ASAP1: variants seen among roughly 807,000 people sequenced by gnomAD.
ASAP1 encodes arf-GAP with SH3 domain, ANK repeat and PH domain-containing protein 1.
In ASAP1, 43 loss-of-function variants were observed where a neutral mutation model predicts 145.2. The ratio of observed to expected loss-of-function variants is 0.30; its 90% CI spans 0.23 to 0.38. ASAP1 has a LOEUF of 0.38. ASAP1 is among the 10% of genes least tolerant of loss of function. The pLI, the probability that ASAP1 is intolerant of heterozygous loss-of-function variation, is 1.00. For missense variants in ASAP1, 1,018 were observed against 1,355.3 expected (o/e 0.75, Z 3.91); for synonymous variants, 546 against 515.5 (o/e 1.06, Z -0.80).
intron 24 of ASAP1, among the ~76,000 whole-genome samples, chr8:130,106,554 A>G (rs1428978734): frequency 6.6e-6 from 1 of 152,246 alleles, no homozygotes; most frequent in East Asian, 1.9e-4. Flanking sequence ...TCAGCAAGTC[A>G]ACTATCACAC....
At position 130,136,539 on chromosome 8, in the gene ASAP1, C is replaced by A. The variant is rs193007225; in HGVS notation, c.1168+412G>T. 2.8e-3 allele frequency among the ~76,000 whole-genome samples: 415 copies of A among 149,698 alleles called. 1 individual carries two copies. The highest frequency in any genetic ancestry group is 4.2e-3 in the Non-Finnish European group (286 of 67,768). On this transcript the variant is annotated intron_variant, in intron 14 of 29. Coordinates refer to ENST00000518721, the MANE Select transcript of ASAP1 (RefSeq NM_018482.4). ...CATCCGTGCTTCTTAACCACAGGTG[C>A]ACATTACAATCACCTAGTGGCTTTT...
At chr8:130,245,567 G>A (rs1818797662) in intron 3 of ASAP1, among the ~76,000 whole-genome samples, 1 of 152,128 alleles carries the variant, frequency 6.6e-6, no homozygotes, top group Non-Finnish European at 1.5e-5. Flanking sequence ...ACACCACCAA[G>A]CTATCAACTT....
At chr8:130,336,482 A>C (rs1418813187) in intron 3 of ASAP1, among the ~76,000 whole-genome samples, 2 of 152,360 alleles carry the variant, frequency 1.3e-5, no homozygotes, top group East Asian at 3.9e-4. Flanking sequence ...ATTCAAAGCA[A>C]GCTGGATAAA....
chr8:130,251,021 T>A (rs1819164276), intron 3 of ASAP1, among the ~76,000 whole-genome samples: 1 of 152,166 alleles, frequency 6.6e-6, no homozygotes, highest in Non-Finnish European at 1.5e-5. Context: ...AAAGATAAAG[T>A]AAATAATTAA....
chr8:130,416,712 T>A (rs916069532), intron 1 of ASAP1, among the ~76,000 whole-genome samples: 2 of 152,204 alleles, frequency 1.3e-5, no homozygotes, highest in African/African-American at 4.8e-5. Flanking sequence ...GGCAGGAGAT[T>A]TGGCTCAGCT....
intron 4 of ASAP1, among the ~76,000 whole-genome samples, chr8:130,234,827 C>T (rs1392175419): frequency 6.6e-6 from 1 of 152,162 alleles, no homozygotes; most frequent in East Asian, 1.9e-4. Flanking sequence ...GACCATTCTT[C>T]CTGAGACAAA....
chr8:130,079,769 T>C, intron 26 of ASAP1, 133 bp downstream of exon 26: 1 of 838,960 alleles, frequency 1.2e-6, no homozygotes, highest in Non-Finnish European at 2.0e-6. Context: ...GTCTGGTTTC[T>C]TGTTGTGGCC....
chr8:130,204,266 C>G (rs545197875), intron 5 of ASAP1, among the ~76,000 whole-genome samples: 2 of 152,154 alleles, frequency 1.3e-5, no homozygotes, highest in African/African-American at 2.4e-5. Flanking sequence ...CTCAAATCAT[C>G]CCGAAACCAT....
intron 4 of ASAP1, among the ~76,000 whole-genome samples, chr8:130,226,543 A>C (rs1430294804): frequency 6.6e-6 from 1 of 152,136 alleles, no homozygotes; most frequent in Non-Finnish European, 1.5e-5. Context: ...TCATTTCTAT[A>C]ATTTCTCAAG....
intron 3 of ASAP1, among the ~76,000 whole-genome samples, chr8:130,339,494 G>C (rs1238732178): frequency 1.3e-5 from 2 of 152,140 alleles, no homozygotes; most frequent in Non-Finnish European, 2.9e-5. Flanking sequence ...TCAGCAAAAA[G>C]AAGGAGCTAT....
At chr8:130,393,083 G>A (rs1011935391) in intron 2 of ASAP1, among the ~76,000 whole-genome samples, 1 of 152,118 alleles carries the variant, frequency 6.6e-6, no homozygotes, top group African/African-American at 2.4e-5. Flanking sequence ...TTTAATGGCT[G>A]CATTATTTTA....
chr8:130,150,289 C>A (rs2097642955), intron 13 of ASAP1, among the ~76,000 whole-genome samples: 1 of 152,092 alleles, frequency 6.6e-6, no homozygotes, highest in Non-Finnish European at 1.5e-5. Flanking sequence ...GTTGTTTTGG[C>A]CACAACAATG....
At chr8:130,392,341 G>A (rs1324236867) in intron 2 of ASAP1, among the ~76,000 whole-genome samples, 1 of 152,198 alleles carries the variant, frequency 6.6e-6, no homozygotes, top group Non-Finnish European at 1.5e-5. Context: ...AAGTCCCTTT[G>A]AATAAGACAT....
intron 13 of ASAP1, among the ~76,000 whole-genome samples, chr8:130,149,222 C>T (rs998759538): frequency 6.8e-6 from 1 of 147,530 alleles, no homozygotes; most frequent in Non-Finnish European, 1.5e-5. Context: ...GCATCTTATA[C>T]TGTGTTTAGA....
In ASAP1 at chr8:130,118,500, C is replaced by CCAG; in HGVS notation, c.1780_1782dup (p.Leu594dup). 1 of 1,608,574 alleles carries CCAG rather than the reference C, an allele frequency of 6.2e-7. No homozygotes were observed. ...TAGTGAGGCCTTACCTGCCCAGGTT[C>CCAG]CAGCAGTGGTTCCATTAGCTCTACC... On this transcript the variant is annotated inframe_insertion, in exon 19 of 30. Coordinates refer to ENST00000518721, the MANE Select transcript of ASAP1 (RefSeq NM_018482.4).
chr8:130,230,297 C>T (rs775424755), intron 4 of ASAP1, among the ~76,000 whole-genome samples: 31 of 152,142 alleles, frequency 2.0e-4, no homozygotes, highest in Non-Finnish European at 4.1e-4. Flanking sequence ...GGCTCATACA[C>T]ACAGTGAATA....
At chr8:130,434,906 CT>C (rs1247821346) in intron 1 of ASAP1, among the ~76,000 whole-genome samples, 2 of 152,122 alleles carry the variant, frequency 1.3e-5, no homozygotes, top group Non-Finnish European at 2.9e-5. Context: ...CTCGAACAAG[CT>C]TTGAAGACCT....
intron 26 of ASAP1, among the ~76,000 whole-genome samples, chr8:130,077,079 G>A (rs577469011): frequency 3.9e-5 from 6 of 152,170 alleles, no homozygotes; most frequent in South Asian, 2.1e-4. Flanking sequence ...GGGTGTTGGC[G>A]GCTGGCAGAA....
At position 130,142,697 on chromosome 8, in the gene ASAP1, T is replaced by G. The variant is rs2097615116; in HGVS notation, c.1081-5659A>C. 1.3e-5 allele frequency among the ~76,000 whole-genome samples: 2 copies of G among 151,984 alleles called. 1 individual carries two copies. Among genetic ancestry groups the G allele is most frequent in the South Asian group, 4.1e-4 (2 of 4,826 alleles). The stretch of plus-strand genomic sequence containing the variant: ...GAGGGAATATGGACAAACTGGGAAG[T>G]GTGATAAGCAGGTCCAAAGGCCTGG... On this transcript the variant is annotated intron_variant, in intron 13 of 29. Coordinates refer to ENST00000518721, the MANE Select transcript of ASAP1 (RefSeq NM_018482.4).
Sources: allele counts gnomAD v4.1 joint callset (sites outside exome capture counted in the v4.1 genomes callset), GRCh38; gene constraint gnomAD v4.1.1; transcripts MANE v1.5; gene names NCBI Gene and HGNC (gene_info 2026-07-23, HGNC 2026-07-21).